Variants in KHDC4 observed in about 807,000 individuals in gnomAD.
The protein encoded by KHDC4 is KH homology domain-containing protein 4.
Under a neutral mutation model 74.5 loss-of-function variants are expected in KHDC4, and 19 were observed. That is an observed-to-expected ratio of 0.26 (90% CI 0.18 to 0.37). The LOEUF (loss-of-function observed/expected upper bound fraction) is 0.37, where lower values mean the gene tolerates loss of function less well. Ranked by LOEUF, KHDC4 falls within the 10% of genes least tolerant of loss-of-function variation. The pLI, the probability that KHDC4 is intolerant of heterozygous loss-of-function variation, is 1.00. For synonymous variants in KHDC4, 253 were observed against 266.1 expected (o/e 0.95, Z 0.48); for missense variants, 632 against 754.1 (o/e 0.84, Z 1.90).
intron 11 of KHDC4, chr1:155,916,943 A>C (rs1271429181): frequency 6.8e-6 from 3 of 441,774 alleles, no homozygotes; most frequent in Non-Finnish European, 1.2e-5. Flanking sequence ...GGGGTGTTAT[A>C]ATTCATTATG....
At chr1:155,933,431 G>C (rs997679680) in intron 2 of KHDC4, among the ~76,000 whole-genome samples, 1 of 151,992 alleles carries the variant, frequency 6.6e-6, no homozygotes, top group Admixed American at 6.6e-5. Flanking sequence ...GATTACAGGC[G>C]CGTGCCACCA....
At chr1:155,917,363 T>TA in intron 11 of KHDC4, 136 bp downstream of exon 11, 1 of 784,904 alleles carries the variant, frequency 1.3e-6, no homozygotes, top group Non-Finnish European at 2.1e-6. Flanking sequence ...TTGAATAGGA[T>TA]AAAAAACCTA....
Position 155,934,364 on chromosome 1 carries a change from C to G in KHDC4, c.10G>C (p.Gly4Arg). Residue 4 changes from glycine (G) to arginine (R), a missense_variant, in exon 1 of 14, where the codon GGG (glycine) becomes CGG (arginine). Around this residue, in one of 4 missense-constraint regions of KHDC4, gnomAD observed 104 missense variants for 78.1 expected, o/e 1.33. Coordinates refer to ENST00000368321, the MANE Select transcript of KHDC4 (RefSeq NM_014949.4). The stretch of plus-strand genomic sequence containing the variant: ...CCAGCTCCAGGATGTGTCGCGCTCC[C>G]CGCGGACATGGCGACCGCTTCTACT... MSAGSATHPGAGGR... is the reference protein window; with the variant it reads MSARSATHPGAGGR... 4 of 1,611,724 alleles carry G rather than the reference C, an allele frequency of 2.5e-6. No homozygotes were observed. Among genetic ancestry groups the G allele is most frequent in the Non-Finnish European group, 3.4e-6 (4 of 1,179,944 alleles).
chr1:155,914,594 G>A, intron 13 of KHDC4: 1 of 380,708 alleles, frequency 2.6e-6, no homozygotes. Context: ...AGGAAAGTTA[G>A]CAAGTGAGTC....
chr1:155,929,505 G>T, intron 3 of KHDC4, 130 bp from the exon 4 acceptor site: 2 of 991,212 alleles, frequency 2.0e-6, no homozygotes, highest in Non-Finnish European at 3.0e-6. Flanking sequence ...CTGAAATTTT[G>T]ATTCCATGGT....
At position 155,925,827 on chromosome 1, in the gene KHDC4, T is replaced by C. The variant is rs1673978436; in HGVS notation, c.698A>G (p.Asp233Gly). The C allele has an allele frequency of 6.8e-6, 11 of 1,612,510 alleles. No individual in the cohort carries two copies. Among genetic ancestry groups the C allele is most frequent in the Non-Finnish European group, 8.5e-6 (10 of 1,178,508 alleles). The stretch of plus-strand genomic sequence containing the variant: ...ATGTTCTAGACCCACAAATAATTTA[T>C]CTTGAACATAATGCATCTGTAGGAA... ...PFQSGMHYVQ[D>G]KLFVGLEHAV... is the part of the protein sequence containing the mutation. Residue 233 changes from aspartate to glycine, a missense_variant, in exon 7 of 14, where the codon GAT becomes GGT. By Grantham distance (94) the Asp-to-Gly change is moderately conservative. Transcript: ENST00000368321.
chr1:155,925,993 T>C (rs775561353), intron 6 of KHDC4, 150 bp from the exon 7 acceptor site: 3 of 787,686 alleles, frequency 3.8e-6, no homozygotes, highest in South Asian at 1.3e-5. Flanking sequence ...TGTGATACTC[T>C]TCAGTGAAGG....
chr1:155,926,325 C>CTTTTTTTT (rs34342755), intron 6 of KHDC4: 127 of 175,422 alleles, frequency 7.2e-4, no homozygotes, highest in Middle Eastern at 2.6e-3. Context: ...TTACTTGGCA[C>CTTTTTTTT]TTTTTTTTTT....
At chr1:155,931,757 T>C (rs559629553) in intron 2 of KHDC4, among the ~76,000 whole-genome samples, 1 of 152,318 alleles carries the variant, frequency 6.6e-6, no homozygotes, top group East Asian at 1.9e-4. Flanking sequence ...GAAGGTAACA[T>C]ACTGTTGTTT....
chr1:155,933,942 T>G (rs1674197796), intron 1 of KHDC4, 93 bp from the exon 2 acceptor site: 1 of 1,003,206 alleles, frequency 1.0e-6, no homozygotes, highest in Non-Finnish European at 1.4e-6. Context: ...TTCCCTCTAT[T>G]ATATTCCATT....
intron 6 of KHDC4, chr1:155,926,078 T>A: frequency 1.4e-6 from 1 of 706,938 alleles, no homozygotes; most frequent in South Asian, 1.4e-5. Context: ...GCCTTCTTAG[T>A]CCTCCAGTTG....
At chr1:155,918,577 C>T (rs1379831954) in intron 10 of KHDC4, among the ~76,000 whole-genome samples, 1 of 152,188 alleles carries the variant, frequency 6.6e-6, no homozygotes, top group Non-Finnish European at 1.5e-5. Flanking sequence ...CACACCTAGG[C>T]TATACGATAT....
At position 155,921,511 on chromosome 1, in the gene KHDC4, G is replaced by A. The variant is rs1387771200; in HGVS notation, c.1130C>T (p.Pro377Leu). 4.3e-6 allele frequency: 7 copies of A among 1,614,002 alleles called. No individual in the cohort carries two copies. Among genetic ancestry groups the A allele is most frequent in the Non-Finnish European group, 5.9e-6 (7 of 1,180,028 alleles). The change falls in exon 10 of 14, where the codon CCC (proline) becomes CTC (leucine). Residue 377 changes from proline (P) to leucine (L), a missense_variant. Transcript: ENST00000368321. ...TGGCACTATGCTTGGTACTCCGTAG[G>A]GAGGTTGAACTGGCTGCTGAGGAGG... Reference protein sequence around the residue: ...VPPPQQPVQPPYGVPSIVPPA... With the variant: ...VPPPQQPVQPLYGVPSIVPPA...
At chr1:155,927,871 C>A (rs1674051096) in intron 4 of KHDC4, among the ~76,000 whole-genome samples, 1 of 43,994 alleles carries the variant, frequency 2.3e-5, no homozygotes, top group South Asian at 8.8e-4. Context: ...CACACACACA[C>A]ACAAAATTAA....
chr1:155,932,832 G>A (rs1339016352), intron 2 of KHDC4: 1 of 152,228 alleles, frequency 6.6e-6, no homozygotes, highest in East Asian at 1.9e-4. Flanking sequence ...TCGGGAGGCT[G>A]AGGCAGCAGA....
rs1256812713 is a variant in KHDC4 at position 155,913,105 on chromosome 1, A to T, written c.*1016T>A. On this transcript the variant is annotated 3_prime_UTR_variant, in exon 14 of 14. Coordinates refer to ENST00000368321, the MANE Select transcript of KHDC4 (RefSeq NM_014949.4). ...TCTAAATATTTACAACATATAGGAA[A>T]CCAGAGGATAAGTTTATACAAAGCC... 2.6e-5 allele frequency: 4 copies of T among 152,712 alleles called. No homozygotes were observed. Among genetic ancestry groups the T allele is most frequent in the Admixed American group, 2.0e-4 (3 of 15,282 alleles). 9.5% of individuals were successfully genotyped at this position (152,712 alleles called of 1,614,324 possible).
chr1:155,931,290 C>CAAAAAAAAA (rs55769714), intron 2 of KHDC4, among the ~76,000 whole-genome samples: 1 of 109,636 alleles, frequency 9.1e-6, no homozygotes, highest in Non-Finnish European at 1.8e-5. Context: ...ACTCTATCAC[C>CAAAAAAAAA]AAAAAAAAAA....
intron 11 of KHDC4, 116 bp from the exon 12 acceptor site, chr1:155,916,853 T>C: frequency 2.9e-6 from 2 of 682,402 alleles, no homozygotes; most frequent in Non-Finnish European, 5.1e-6. Context: ...TACGTTAAAC[T>C]ACTACAAAGC....
In KHDC4 at chr1:155,933,763, C is replaced by A; in HGVS notation, c.125G>T (p.Gly42Val). Residue 42 changes from glycine to valine, a missense_variant, in exon 2 of 14, where the codon GGG becomes GTG. This residue lies in a region of KHDC4 where 104 missense variants were observed against 78.1 expected (regional missense o/e 1.33). Transcript: ENST00000368321. Reference protein sequence around the residue: ...AAPGGEVTSSGGSPGGTTAAP... With the variant: ...AAPGGEVTSSVGSPGGTTAAP... ...AGCTGTGGTGCCCCCAGGACTTCCCCCACTGCTGGTGACCTCCCCACCTGG... is the reference window on the plus strand; with the variant it reads ...AGCTGTGGTGCCCCCAGGACTTCCCACACTGCTGGTGACCTCCCCACCTGG... 3 of 1,602,846 alleles carry A rather than the reference C, an allele frequency of 1.9e-6. No individual in the cohort carries two copies. Among genetic ancestry groups the A allele is most frequent in the Non-Finnish European group, 2.6e-6 (3 of 1,173,846 alleles).
Sources: gnomAD v4.1 joint callset for allele counts (sites outside exome capture counted in the v4.1 genomes callset) on GRCh38, gnomAD v4.1.1 for gene constraint, gnomAD v4.1.1 regional missense constraint, MANE v1.5 for transcripts, NCBI Gene and HGNC (gene_info 2026-07-23, HGNC 2026-07-21) for gene names.